The following EBF3 variants were observed in gnomAD, a reference collection of about 807,000 sequenced individuals.
EBF3 encodes the protein EBF transcription factor 3, also known as transcription factor COE3.
In EBF3, 18 loss-of-function variants were observed where a neutral mutation model predicts 77.1. The ratio of observed to expected loss-of-function variants is 0.23; its 90% CI spans 0.16 to 0.35. The LOEUF is 0.35. EBF3 is among the 10% of genes least tolerant of loss of function. The pLI, the probability that EBF3 is intolerant of heterozygous loss-of-function variation, is 1.00. For synonymous variants in EBF3, 350 were observed against 343.5 expected (o/e 1.02, Z -0.21); for missense variants, 558 against 860.0 (o/e 0.65, Z 4.39).
chr10:129,947,074 C>G lies in EBF3; in HGVS notation c.554+10184G>C, dbSNP rs183768331. 1.5e-4 allele frequency among the ~76,000 whole-genome samples: 23 copies of G among 152,316 alleles called. No homozygotes were observed. In the East Asian group the frequency reaches 3.5e-3, roughly 23 times the overall value. On this transcript the variant is annotated intron_variant, in intron 6 of 16. Coordinates refer to ENST00000440978, the MANE Select transcript of EBF3 (RefSeq NM_001375380.1). The surrounding 1 kb of genome is among the most constrained non-coding windows in gnomAD (Gnocchi z 4.5). ...CAGCAGCACGTCCAATCCAATCCCCCACTTGTTTCCTGACCCAATCTTCCT... is the reference window on the plus strand; with the variant it reads ...CAGCAGCACGTCCAATCCAATCCCCGACTTGTTTCCTGACCCAATCTTCCT...
In EBF3 at chr10:129,896,411, C is replaced by T. The variant is rs368429974; in HGVS notation, c.555-18562G>A. On this transcript the variant is annotated intron_variant, in intron 6 of 16. Coordinates refer to ENST00000440978, the MANE Select transcript of EBF3 (RefSeq NM_001375380.1). ...GCAACAAGACATAACCTGACAGCTCCGCTCCCGGCCACGCGGCCACCGTCA... is the reference window on the plus strand; with the variant it reads ...GCAACAAGACATAACCTGACAGCTCTGCTCCCGGCCACGCGGCCACCGTCA... Among the ~76,000 whole-genome samples, 34 of 152,366 alleles carry T rather than the reference C, an allele frequency of 2.2e-4. No individual in the cohort carries two copies. In the South Asian group the frequency reaches 5.2e-3, roughly 23 times the overall value.
At chr10:129,857,632 A>C (rs1851345116) in intron 10 of EBF3, among the ~76,000 whole-genome samples, 1 of 152,302 alleles carries the variant, frequency 6.6e-6, no homozygotes, top group Non-Finnish European at 1.5e-5. Flanking sequence ...GCAAGACCTC[A>C]AGTCAGTGTG....
At chr10:129,877,936 AGTG>A in intron 6 of EBF3, 87 bp from the exon 7 acceptor site, 1 of 1,047,676 alleles carries the variant, frequency 9.5e-7, no homozygotes, top group East Asian at 2.6e-5. Flanking sequence ...CGCAGGGAGG[AGTG>A]GAGACTCAAC....
intron 6 of EBF3, among the ~76,000 whole-genome samples, chr10:129,887,991 C>T (rs1055398448): frequency 6.6e-6 from 1 of 152,140 alleles, no homozygotes; most frequent in East Asian, 1.9e-4. Flanking sequence ...CAATCGGCCT[C>T]GTGGTTTGCT....
At chr10:129,868,879 TGCCTGCCCAC>T (rs1852216364) in intron 8 of EBF3, among the ~76,000 whole-genome samples, 1 of 152,238 alleles carries the variant, frequency 6.6e-6, no homozygotes, top group African/African-American at 2.4e-5. Context: ...GTTGTTTGCA[TGCCTGCCCAC>T]GCCTGCCAAA....
intron 4 of EBF3, among the ~76,000 whole-genome samples, chr10:129,960,971 T>C (rs1437696444): frequency 6.6e-6 from 1 of 152,232 alleles, no homozygotes; most frequent in Non-Finnish European, 1.5e-5. Flanking sequence ...AGAAAGACCT[T>C]AGTTTACCTG....
intron 6 of EBF3, among the ~76,000 whole-genome samples, chr10:129,928,405 A>G (rs1856809084): frequency 6.6e-6 from 1 of 152,210 alleles, no homozygotes; most frequent in African/African-American, 2.4e-5. Flanking sequence ...ACATTTTTAT[A>G]TCATTTTTGC....
Position 129,938,515 on chromosome 10 carries a change from T to C in EBF3, c.554+18743A>G, listed in dbSNP as rs1036042691. On this transcript the variant is annotated intron_variant, in intron 6 of 16. Transcript: ENST00000440978. This position sits in a 1 kb window ranked among gnomAD's most constrained non-coding sequence, Gnocchi z 5.1. ...CTGCAGGGAGCTGTGATTGTGCCAC[T>C]GTACCCAGCCTGGGTGGCAGAGTGA... is the stretch of plus-strand genomic sequence containing the variant. Among the ~76,000 whole-genome samples, 1 of 152,142 alleles carries C rather than the reference T, an allele frequency of 6.6e-6. No homozygotes were observed. The highest frequency in any genetic ancestry group is 6.5e-5 in the Admixed American group (1 of 15,274).
intron 6 of EBF3, among the ~76,000 whole-genome samples, chr10:129,881,900 GAAGA>G (rs1853239001): frequency 6.6e-6 from 1 of 152,248 alleles, no homozygotes; most frequent in African/African-American, 2.4e-5. Context: ...TGCACCCAAG[GAAGA>G]AAGAGTTTGG....
chr10:129,883,466 G>A (rs559942662), intron 6 of EBF3, among the ~76,000 whole-genome samples: 41 of 152,288 alleles, frequency 2.7e-4, no homozygotes, highest in African/African-American at 9.9e-4. Flanking sequence ...GGGGGAACCT[G>A]CTTTTGAGTT....
chr10:129,852,739 CAT>C (rs1205992796), intron 10 of EBF3, among the ~76,000 whole-genome samples: 2 of 152,190 alleles, frequency 1.3e-5, no homozygotes, highest in South Asian at 2.1e-4. Flanking sequence ...GATTGGAAAA[CAT>C]ACACGTTTGG....
chr10:129,945,866 C>A (rs1033098342), intron 6 of EBF3, among the ~76,000 whole-genome samples: 1 of 152,108 alleles, frequency 6.6e-6, no homozygotes, highest in Non-Finnish European at 1.5e-5. Flanking sequence ...AACTTGATAA[C>A]AAAACCTGCT....
In EBF3 at chr10:129,879,930, G is replaced by A. The variant is rs550743553; in HGVS notation, c.555-2081C>T. Among the ~76,000 whole-genome samples, 41 of 152,246 alleles carry A rather than the reference G, an allele frequency of 2.7e-4. No homozygotes were observed. The South Asian group carries it at 7.7e-3, about 29-fold the overall frequency. ...ACACATTACCACCCAGCTAATCTTC[G>A]GAGCAGGCGCCGGCCCGAGAAGCTG... On this transcript the variant is annotated intron_variant, in intron 6 of 16. Transcript: ENST00000440978. This position sits in a 1 kb window ranked among gnomAD's most constrained non-coding sequence, Gnocchi z 4.7.
At chr10:129,892,160 G>A (rs73381791) in intron 6 of EBF3, among the ~76,000 whole-genome samples, 3 of 152,162 alleles carry the variant, frequency 2.0e-5, no homozygotes, top group Admixed American at 6.5e-5. Flanking sequence ...GTCTCTCCCC[G>A]GGTCCCAGGC....
intron 6 of EBF3, among the ~76,000 whole-genome samples, chr10:129,924,157 G>A (rs956354414): frequency 2.6e-5 from 4 of 152,212 alleles, no homozygotes; most frequent in Non-Finnish European, 5.9e-5. Context: ...GCTCATGCCT[G>A]TAATCTCAGC....
intron 10 of EBF3, among the ~76,000 whole-genome samples, chr10:129,850,004 A>G (rs575185615): frequency 6.6e-6 from 1 of 152,386 alleles, no homozygotes; most frequent in South Asian, 2.1e-4. Flanking sequence ...CCCAGGCCAG[A>G]GTGTCAGGCA....
chr10:129,926,560 CA>C (rs1856686193), intron 6 of EBF3, among the ~76,000 whole-genome samples: 1 of 150,552 alleles, frequency 6.6e-6, no homozygotes, highest in South Asian at 2.1e-4. Context: ...GGAAGCATCT[CA>C]GGGCTTGGGG....
rs530571621 is a variant in EBF3, at chr10:129,881,801, G to C, written c.555-3952C>G. Among the ~76,000 whole-genome samples the C allele has an allele frequency of 1.9e-4, 29 of 152,264 alleles. 1 individual carries two copies. Among genetic ancestry groups the C allele is most frequent in the African/African-American group, 7.0e-4 (29 of 41,548 alleles). On this transcript the variant is annotated intron_variant, in intron 6 of 16. Coordinates refer to ENST00000440978, the MANE Select transcript of EBF3 (RefSeq NM_001375380.1). Reference sequence around the variant, plus strand: ...GGAGGGGCAGCTGGGTGCCACTCCGGATATCTTGAGTTTAATCTAGAAATC... The same window carrying C: ...GGAGGGGCAGCTGGGTGCCACTCCGCATATCTTGAGTTTAATCTAGAAATC...
At chr10:129,883,508 C>T (rs1164283275) in intron 6 of EBF3, among the ~76,000 whole-genome samples, 2 of 152,112 alleles carry the variant, frequency 1.3e-5, no homozygotes, top group East Asian at 3.9e-4. Flanking sequence ...AAGCAGCAAA[C>T]TCATACAACA....
Sources: allele counts gnomAD v4.1 joint callset (sites outside exome capture counted in the v4.1 genomes callset), GRCh38; gene constraint gnomAD v4.1.1; non-coding constraint Gnocchi (gnomAD v3.1); transcripts MANE v1.5; gene names NCBI Gene and HGNC (gene_info 2026-07-23, HGNC 2026-07-21).